PMFBP1: variants seen among roughly 807,000 people sequenced by gnomAD.
The protein encoded by PMFBP1 is polyamine-modulated factor 1-binding protein 1.
In PMFBP1, 131 loss-of-function variants were observed where a neutral mutation model predicts 137.8. That is an observed-to-expected ratio of 0.95 (90% confidence interval 0.82 to 1.10). PMFBP1 has a LOEUF of 1.10. PMFBP1 is among the 50% of genes least tolerant of loss of function. The probability of loss-of-function intolerance (pLI) is 0.00; values close to 1 mark genes in which losing one functional copy is unlikely to be tolerated. For missense variants in PMFBP1, 1,199 were observed against 1,175.4 expected (o/e 1.02, Z -0.29); for synonymous variants, 490 against 450.4 (o/e 1.09, Z -1.11).
intron 19 of PMFBP1, among the ~76,000 whole-genome samples, chr16:72,122,699 C>T (rs2042393223): frequency 6.6e-6 from 1 of 152,224 alleles, no homozygotes; most frequent in Non-Finnish European, 1.5e-5. Context: ...CTACTAAACT[C>T]CCTTTGGATT....
At chr16:72,180,332 G>T (rs2043271818), upstream of PMFBP1, among the ~76,000 whole-genome samples, 1 of 152,150 alleles carries the variant, frequency 6.6e-6, no homozygotes, top group Admixed American at 6.5e-5. Context: ...TGAGCCCAGA[G>T]CCACTTGTTC....
intron 10 of PMFBP1, among the ~76,000 whole-genome samples, chr16:72,131,154 G>T (rs1246902490): frequency 6.6e-6 from 1 of 152,184 alleles, no homozygotes; most frequent in Non-Finnish European, 1.5e-5. Flanking sequence ...CAGAAGCTGA[G>T]ATGTAGAAAA....
chr16:72,139,251 C>T, intron 7 of PMFBP1, 38 bp downstream of exon 7: 1 of 1,471,258 alleles, frequency 6.8e-7, no homozygotes, highest in Non-Finnish European at 9.5e-7. Context: ...CCAGCTCAGC[C>T]CGATCCCAGT....
At chr16:72,222,918 T>C in the PMFBP1 span, among the ~76,000 whole-genome samples, 2 of 152,304 alleles carry the variant, frequency 1.3e-5, no homozygotes, top group Admixed American at 6.5e-5. Context: ...CAGAATTCCA[T>C]TTCTGGGGAC....
At chr16:72,185,552 G>C in the PMFBP1 span, among the ~76,000 whole-genome samples, 1 of 152,042 alleles carries the variant, frequency 6.6e-6, no homozygotes, top group South Asian at 2.1e-4. Flanking sequence ...CCCCAAGCTT[G>C]GGTTCTTCCT....
intron 6 of PMFBP1, among the ~76,000 whole-genome samples, chr16:72,140,046 A>G (rs910342739): frequency 1.3e-5 from 2 of 152,222 alleles, no homozygotes; most frequent in African/African-American, 4.8e-5. Context: ...ATTCTTGACG[A>G]TAAGTCACAA....
intron 7 of PMFBP1, among the ~76,000 whole-genome samples, chr16:72,138,816 A>C (rs1173089890): frequency 6.6e-6 from 1 of 151,262 alleles, no homozygotes; most frequent in African/African-American, 2.4e-5. Context: ...ACACCTGGCC[A>C]CTCAATTCTT....
intron 2 of PMFBP1, among the ~76,000 whole-genome samples, chr16:72,166,429 C>A (rs966641993): frequency 1.3e-5 from 2 of 152,186 alleles, no homozygotes; most frequent in Non-Finnish European, 2.9e-5. Flanking sequence ...GTCAGTTAAA[C>A]CTCTTTTCCT....
the PMFBP1 span, among the ~76,000 whole-genome samples, chr16:72,185,983 A>G: frequency 6.6e-6 from 1 of 152,218 alleles, no homozygotes; most frequent in African/African-American, 2.4e-5. Context: ...TAACTATCTT[A>G]GATAGCAAAG....
In PMFBP1 at chr16:72,125,400, A is replaced by G; in HGVS notation, c.2259T>C (p.Asn753=). 1.2e-6 allele frequency: 2 copies of G among 1,608,636 alleles called. No homozygotes were observed. Among genetic ancestry groups the G allele is most frequent in the Non-Finnish European group, 1.7e-6 (2 of 1,178,630 alleles). ...GGCTCTTTGTCTCTGAGGTCACGTG[A>G]TTGAGCTTCCGGAAAAGACAAAGAG... The part of the protein sequence containing the change: ...DDLTQALEKL[N]HVTSETKSLQ... Residue 753 remains asparagine, a synonymous_variant, in exon 16 of 21, where the codon AAT becomes AAC. Transcript: ENST00000237353.
chr16:72,128,470 A>G, intron 14 of PMFBP1, 187 bp downstream of exon 14: 3 of 1,533,600 alleles, frequency 2.0e-6, no homozygotes, highest in Middle Eastern at 2.3e-4. Flanking sequence ...CACATATGGA[A>G]GAAACATTTC....
intron 3 of PMFBP1, among the ~76,000 whole-genome samples, chr16:72,162,418 C>T (rs1567640575): frequency 1.3e-5 from 2 of 152,236 alleles, no homozygotes; most frequent in Non-Finnish European, 1.5e-5. Context: ...TTATACATAA[C>T]AGCTAATGTA....
chr16:72,150,560 G>A, intron 5 of PMFBP1, 48 bp downstream of exon 5: 2 of 1,578,284 alleles, frequency 1.3e-6, no homozygotes, highest in Non-Finnish European at 1.7e-6. Flanking sequence ...GGGACCACCT[G>A]GGAGCACATC....
intron 12 of PMFBP1, 78 bp from the exon 13 acceptor site, chr16:72,129,311 CAG>C (rs2042512803): frequency 6.8e-7 from 1 of 1,465,376 alleles, no homozygotes; most frequent in Admixed American, 2.2e-5. Context: ...CAATTGCACA[CAG>C]GGCATGGCTG....
chr16:72,237,993 C>T, the PMFBP1 span, among the ~76,000 whole-genome samples: 1 of 152,208 alleles, frequency 6.6e-6, no homozygotes, highest in South Asian at 2.1e-4. Flanking sequence ...TTTTTTATGG[C>T]TGCATAGTAT....
chr16:72,240,333 T>G, the PMFBP1 span, among the ~76,000 whole-genome samples: 1 of 152,264 alleles, frequency 6.6e-6, no homozygotes, highest in African/African-American at 2.4e-5. Context: ...ATTCTAATGT[T>G]TCAGATGAAA....
At chr16:72,177,878 A>G (rs1164738184), upstream of PMFBP1, among the ~76,000 whole-genome samples, 1 of 152,000 alleles carries the variant, frequency 6.6e-6, no homozygotes, top group Non-Finnish European at 1.5e-5. Context: ...AATGCCCCTC[A>G]ATTTGAATTT....
At chr16:72,198,495 C>G in the PMFBP1 span, among the ~76,000 whole-genome samples, 2 of 152,238 alleles carry the variant, frequency 1.3e-5, no homozygotes, top group South Asian at 4.1e-4. Flanking sequence ...TGCTGGATCC[C>G]GCACATCCCC....
At chr16:72,144,076 G>T (rs72787084) in intron 5 of PMFBP1, among the ~76,000 whole-genome samples, 5,272 of 151,902 alleles carry the variant, frequency 0.035, 144 homozygotes, top group Middle Eastern at 0.11. Flanking sequence ...ATGTATAAAA[G>T]ATCCCATTTA....
Sources: allele counts gnomAD v4.1 joint callset (sites outside exome capture counted in the v4.1 genomes callset), GRCh38; gene constraint gnomAD v4.1.1; transcripts MANE v1.5; gene names NCBI Gene and HGNC (gene_info 2026-07-23, HGNC 2026-07-21).